SIK3: variants seen among roughly 807,000 people sequenced by gnomAD.
SIK3 encodes SIK family kinase 3.
SIK3 carries 28 observed loss-of-function variants against 144.2 expected under a neutral mutation model. That is an observed-to-expected ratio of 0.19 (90% CI 0.14 to 0.27). The LOEUF (loss-of-function observed/expected upper bound fraction) is 0.27, where lower values mean the gene tolerates loss of function less well. Ranked by LOEUF, SIK3 falls within the 10% of genes least tolerant of loss-of-function variation. The pLI is 1.00. For missense variants in SIK3, 1,319 were observed against 1,776.0 expected (o/e 0.74, Z 4.62); for synonymous variants, 686 against 676.3 (o/e 1.01, Z -0.22).
chr11:116,925,831 A>C (rs1417355047), intron 4 of SIK3, among the ~76,000 whole-genome samples: 1 of 152,228 alleles, frequency 6.6e-6, no homozygotes. Flanking sequence ...GCAAAGGAAA[A>C]ACATGATTTT....
intron 1 of SIK3, among the ~76,000 whole-genome samples, chr11:116,994,374 T>C (rs1014700899): frequency 3.3e-5 from 5 of 152,216 alleles, no homozygotes; most frequent in Admixed American, 2.6e-4. Context: ...AAAAACACTT[T>C]AGAGCATAGT....
intron 1 of SIK3, among the ~76,000 whole-genome samples, chr11:117,057,288 A>G (rs1365304981): frequency 6.6e-6 from 1 of 152,240 alleles, no homozygotes; most frequent in African/African-American, 2.4e-5. Context: ...CTTTATGTAC[A>G]TCTGCACTAA....
intron 2 of SIK3, among the ~76,000 whole-genome samples, chr11:116,954,324 T>TG (rs1420631402): frequency 6.6e-6 from 1 of 152,198 alleles, no homozygotes; most frequent in Non-Finnish European, 1.5e-5. Context: ...AAACATTTAT[T>TG]GCTTGAGAGA....
At chr11:116,958,188 T>C (rs559316574) in intron 1 of SIK3, among the ~76,000 whole-genome samples, 1 of 152,318 alleles carries the variant, frequency 6.6e-6, no homozygotes, top group East Asian at 1.9e-4. Flanking sequence ...ACATATACAG[T>C]ACTTACTGAG....
At chr11:116,984,899 A>G (rs1565527505) in intron 1 of SIK3, among the ~76,000 whole-genome samples, 3 of 152,228 alleles carry the variant, frequency 2.0e-5, no homozygotes, top group Non-Finnish European at 4.4e-5. Flanking sequence ...TATAGAGTCC[A>G]GAAGCACCAG....
chr11:116,933,487 C>T (rs1947737315), intron 3 of SIK3, among the ~76,000 whole-genome samples: 1 of 152,208 alleles, frequency 6.6e-6, no homozygotes, highest in Non-Finnish European at 1.5e-5. Context: ...AATAGATGTA[C>T]AAGAGTTTCC....
At chr11:116,968,593 A>G (rs1469164851) in intron 1 of SIK3, among the ~76,000 whole-genome samples, 2 of 152,252 alleles carry the variant, frequency 1.3e-5, no homozygotes, top group African/African-American at 4.8e-5. Flanking sequence ...TACATGAAGT[A>G]TATGCTTAAT....
chr11:116,963,376 T>A (rs1949415954), intron 1 of SIK3, among the ~76,000 whole-genome samples: 1 of 152,228 alleles, frequency 6.6e-6, no homozygotes, highest in Admixed American at 6.5e-5. Context: ...GTGAGTAATA[T>A]CTTTCAATAT....
intron 16 of SIK3, 41 bp from the exon 17 acceptor site, chr11:116,862,368 C>A (rs1282291598): frequency 6.2e-7 from 1 of 1,612,982 alleles, no homozygotes; most frequent in South Asian, 1.1e-5. Flanking sequence ...TGCAGCCAGA[C>A]CCGCCTCATG....
At chr11:117,068,800 T>G (rs1009086001) in intron 1 of SIK3, among the ~76,000 whole-genome samples, 6 of 152,216 alleles carry the variant, frequency 3.9e-5, no homozygotes, top group East Asian at 1.9e-4. Context: ...TTCTTTCCTT[T>G]CTCTAGAATT....
intron 15 of SIK3, among the ~76,000 whole-genome samples, chr11:116,865,946 T>C (rs2134460131): frequency 6.6e-6 from 1 of 152,248 alleles, no homozygotes; most frequent in African/African-American, 2.4e-5. Flanking sequence ...TCATAAAACA[T>C]CATTTTCTTC....
chr11:117,061,557 G>C lies in SIK3; in HGVS notation c.273+36586C>G, dbSNP rs1057372665. 2.0e-5 allele frequency among the ~76,000 whole-genome samples: 3 copies of C among 152,238 alleles called. No individual in the cohort carries two copies. The South Asian group carries it at 6.2e-4, about 32-fold the overall frequency. ...TTCACAGATGTAAAAGCACTGACCA[G>C]AACAAATTAAGTACTCAATAAATCT... On this transcript the variant is annotated intron_variant, in intron 1 of 24. Transcript: ENST00000445177.
intron 1 of SIK3, among the ~76,000 whole-genome samples, chr11:117,007,510 T>C (rs557669937): frequency 5.1e-4 from 77 of 152,302 alleles, no homozygotes; most frequent in Admixed American, 1.8e-3. Flanking sequence ...CCTGTACTCA[T>C]GATAGAGGTG....
intron 1 of SIK3, 138 bp from the exon 2 acceptor site, chr11:116,957,202 A>G: frequency 1.9e-6 from 1 of 515,996 alleles, no homozygotes; most frequent in East Asian, 3.1e-5. Flanking sequence ...CAATGAGGAA[A>G]ATTAATTTAC....
In SIK3 at chr11:116,983,211, A is replaced by T. The variant is rs1950210789; in HGVS notation, c.274-26147T>A. Among the ~76,000 whole-genome samples, 4 of 147,352 alleles carry T rather than the reference A, an allele frequency of 2.7e-5. No homozygotes were observed. In the Admixed American group the frequency reaches 2.7e-4, roughly 10 times the overall value. ...CACTGCACACCAGCCTGGGCGACAG[A>T]GCGAGACTCTGTCTCAAAAAAAAAA... On this transcript the variant is annotated intron_variant, in intron 1 of 24. Coordinates refer to ENST00000445177, the MANE Select transcript of SIK3 (RefSeq NM_001366686.3).
Position 116,858,054 on chromosome 11 carries a change from C to T in SIK3, c.3411G>A (p.Leu1137=), listed in dbSNP as rs995204953. 3 of 1,613,562 alleles carry T rather than the reference C, an allele frequency of 1.9e-6. No individual in the cohort carries two copies. The African/African-American group carries it at 4.0e-5, about 22-fold the overall frequency. ...CCTCCTCCATGCTCTCTGAATGCAT[C>T]AGTGCCGGCTGGTGAGCATACCCGT... is the stretch of plus-strand genomic sequence containing the variant. ...PPHGYAHQPA[L]MHSESMEEDC... Residue 1137 remains leucine (L), a synonymous_variant, in exon 21 of 25, where the codon CTG becomes CTA. Transcript: ENST00000445177. The surrounding 1 kb of genome is among the most constrained non-coding windows in gnomAD (Gnocchi z 5.4).
intron 1 of SIK3, among the ~76,000 whole-genome samples, chr11:117,031,522 A>AT (rs1009314707): frequency 2.5e-5 from 2 of 79,008 alleles, no homozygotes; most frequent in Non-Finnish European, 2.9e-5. Context: ...TTTTATTTTT[A>AT]TTTTATTTAT....
At chr11:116,873,665 C>T in intron 12 of SIK3, 29 bp from the exon 13 acceptor site, 1 of 1,524,730 alleles carries the variant, frequency 6.6e-7, no homozygotes, top group Non-Finnish European at 8.8e-7. Context: ...GGAGGACGGA[C>T]CATGAGATGA....
Position 116,948,678 on chromosome 11 carries a change from G to C in SIK3, c.454+5366C>G, listed in dbSNP as rs1948789036. The stretch of plus-strand genomic sequence containing the variant: ...TTCTCTTCTCTCTCTCGTCAATCTA[G>C]CTAAAGATCTGTCAATGTTGTCGAT... On this transcript the variant is annotated intron_variant, in intron 3 of 24. Coordinates refer to ENST00000445177, the MANE Select transcript of SIK3 (RefSeq NM_001366686.3). 2.0e-5 allele frequency among the ~76,000 whole-genome samples: 3 copies of C among 152,006 alleles called. No individual in the cohort carries two copies. The South Asian group carries it at 6.2e-4, about 31-fold the overall frequency.
Sources: gnomAD v4.1 joint callset for allele counts (sites outside exome capture counted in the v4.1 genomes callset) on GRCh38, gnomAD v4.1.1 for gene constraint, Gnocchi (gnomAD v3.1) non-coding constraint, MANE v1.5 for transcripts, NCBI Gene and HGNC (gene_info 2026-07-23, HGNC 2026-07-21) for gene names.